PALS1: variants seen among roughly 807,000 people sequenced by gnomAD.
PALS1 encodes protein PALS1.
A neutral mutation model predicts 78.9 loss-of-function variants in PALS1; 31 were observed. That is an observed-to-expected ratio of 0.39 (90% CI 0.30 to 0.53). The LOEUF is 0.53. Among genes scored for constraint, PALS1 ranks in the 20% least tolerant of loss-of-function variants. PALS1 has a pLI of 0.67. For missense variants in PALS1, 704 were observed against 826.5 expected (o/e 0.85, Z 1.82); for synonymous variants, 276 against 270.9 (o/e 1.02, Z -0.18).
At chr14:67,319,031 C>T (rs2085222018) in intron 11 of PALS1, among the ~76,000 whole-genome samples, 1 of 150,536 alleles carries the variant, frequency 6.6e-6, no homozygotes, top group South Asian at 2.1e-4. Context: ...GCACTCCAGC[C>T]TGGGCGACAG....
intron 1 of PALS1, among the ~76,000 whole-genome samples, chr14:67,249,043 AC>A (rs1426498005): frequency 2.0e-5 from 3 of 151,632 alleles, no homozygotes; most frequent in African/African-American, 7.3e-5. Flanking sequence ...GCTCACTGCA[AC>A]CTCTGCCTCC....
intron 1 of PALS1, among the ~76,000 whole-genome samples, chr14:67,247,280 T>G (rs1297612355): frequency 6.6e-6 from 1 of 152,368 alleles, no homozygotes; most frequent in Middle Eastern, 3.4e-3. Flanking sequence ...TTTTTGGTCC[T>G]ATTGTAAATG....
chr14:67,259,852 C>T (rs1332321386), intron 1 of PALS1, among the ~76,000 whole-genome samples: 2 of 145,496 alleles, frequency 1.4e-5, no homozygotes, highest in Non-Finnish European at 3.0e-5. Context: ...TTTGAGGCTG[C>T]AGTGAGCTAT....
At chr14:67,264,525 A>C (rs2084288930) in intron 1 of PALS1, among the ~76,000 whole-genome samples, 1 of 152,122 alleles carries the variant, frequency 6.6e-6, no homozygotes, top group Admixed American at 6.6e-5. Context: ...TAAGTTTTTG[A>C]ATCCATTTTG....
chr14:67,323,152 A>C (rs2085287035), intron 13 of PALS1, among the ~76,000 whole-genome samples: 1 of 151,878 alleles, frequency 6.6e-6, no homozygotes, highest in Non-Finnish European at 1.5e-5. Context: ...ACATTTCATT[A>C]CATAAAAGAG....
intron 3 of PALS1, among the ~76,000 whole-genome samples, chr14:67,290,410 G>T (rs1442879340): frequency 6.6e-6 from 1 of 152,108 alleles, no homozygotes; most frequent in African/African-American, 2.4e-5. Context: ...CAGTGGAAAA[G>T]GAATTATTAT....
intron 3 of PALS1, among the ~76,000 whole-genome samples, chr14:67,286,349 T>C (rs2084687219): frequency 6.6e-6 from 1 of 152,206 alleles, no homozygotes. Flanking sequence ...GGGAATTTCT[T>C]CTCTCTGTCC....
chr14:67,247,533 T>C (rs1255397865), intron 1 of PALS1, among the ~76,000 whole-genome samples: 1 of 152,208 alleles, frequency 6.6e-6, no homozygotes, highest in Non-Finnish European at 1.5e-5. Flanking sequence ...GGTTAGGACT[T>C]CCACTGAGAT....
At position 67,301,974 on chromosome 14, in the gene PALS1, A is replaced by G. The variant is rs1420771552; in HGVS notation, c.657A>G (p.Ala219=). ...TGCCATGGATTTCTTTGAAACAGGCACTTTTACTGGCCCACGATAAGGTTG... is the reference window on the plus strand; with the variant it reads ...TGCCATGGATTTCTTTGAAACAGGCGCTTTTACTGGCCCACGATAAGGTTG... ...TALLNTPHIQ[A]LLLAHDKVAE... is the part of the protein sequence containing the mutation. Residue 219 remains alanine (A), a splice_region_variant and synonymous_variant, in exon 6 of 15, where the codon GCA becomes GCG. Transcript: ENST00000261681. 1.3e-6 allele frequency: 2 copies of G among 1,582,096 alleles called. No homozygotes were observed. The highest frequency in any genetic ancestry group is 1.7e-6 in the Non-Finnish European group (2 of 1,169,126).
At chr14:67,263,792 T>A (rs1443874869) in intron 1 of PALS1, among the ~76,000 whole-genome samples, 30 of 152,322 alleles carry the variant, frequency 2.0e-4, no homozygotes, top group South Asian at 1.0e-3. Context: ...GCAAGTAGTG[T>A]TGCTGCTTTT....
chr14:67,263,604 C>G (rs955041444), intron 1 of PALS1, among the ~76,000 whole-genome samples: 2 of 152,194 alleles, frequency 1.3e-5, no homozygotes, highest in African/African-American at 2.4e-5. Context: ...TTAAATGCTT[C>G]TGTTCTGATG....
intron 3 of PALS1, among the ~76,000 whole-genome samples, chr14:67,280,614 G>A (rs1047245246): frequency 6.6e-6 from 1 of 152,124 alleles, no homozygotes; most frequent in African/African-American, 2.4e-5. Flanking sequence ...GCCAGATCAG[G>A]TGTTGATGTA....
At chr14:67,298,652 G>A (rs1199405606) in intron 4 of PALS1, among the ~76,000 whole-genome samples, 1 of 152,180 alleles carries the variant, frequency 6.6e-6, no homozygotes, top group Non-Finnish European at 1.5e-5. Context: ...CATTTTTGGA[G>A]TAACTGACTT....
intron 3 of PALS1, among the ~76,000 whole-genome samples, chr14:67,290,025 G>C (rs1237502524): frequency 2.6e-5 from 4 of 152,044 alleles, no homozygotes; most frequent in Admixed American, 6.6e-5. Flanking sequence ...ACCCGCCTTG[G>C]TCTCCCAAAG....
Position 67,321,074 on chromosome 14 carries a change from C to G in PALS1, c.1555C>G (p.Arg519Gly), listed in dbSNP as rs1219650023. 6.2e-7 allele frequency: 1 copy of G among 1,614,016 alleles called. No individual in the cohort carries two copies. The highest frequency in any genetic ancestry group is 8.5e-7 in the Non-Finnish European group (1 of 1,179,946). ...TTGCCTAGATACAACCCGGAGTAGG[C>G]GAGACCAAGAAGTAGCCGGTAGAGA... ...SAVPHTTRSRRDQEVAGRDYH... is the reference protein window; with the variant it reads ...SAVPHTTRSRGDQEVAGRDYH... The change falls in exon 13 of 15, where the codon CGA (arginine) becomes GGA (glycine). Residue 519 changes from arginine (R) to glycine (G), a missense_variant. Transcript: ENST00000261681.
intron 1 of PALS1, among the ~76,000 whole-genome samples, chr14:67,264,648 A>G (rs2084290943): frequency 6.6e-6 from 1 of 152,220 alleles, no homozygotes; most frequent in Non-Finnish European, 1.5e-5. Context: ...TGAATATTTT[A>G]GGATCTAGAT....
intron 2 of PALS1, among the ~76,000 whole-genome samples, chr14:67,275,607 C>T (rs1199399190): frequency 6.6e-6 from 1 of 152,124 alleles, no homozygotes; most frequent in East Asian, 1.9e-4. Flanking sequence ...CTCTGCCCGG[C>T]TTTGGTATCA....
At chr14:67,243,897 A>G (rs113819788) in intron 1 of PALS1, among the ~76,000 whole-genome samples, 2 of 152,198 alleles carry the variant, frequency 1.3e-5, no homozygotes, top group Admixed American at 6.5e-5. Context: ...CATGAAAAAG[A>G]AAGTGAGGCT....
At chr14:67,306,231 A>G (rs2085000721) in intron 8 of PALS1, among the ~76,000 whole-genome samples, 1 of 150,074 alleles carries the variant, frequency 6.7e-6, no homozygotes, top group Non-Finnish European at 1.5e-5. Context: ...TGGCCTCCCA[A>G]AGTGCTGGGA....
Sources: allele counts gnomAD v4.1 joint callset (sites outside exome capture counted in the v4.1 genomes callset), GRCh38; gene constraint gnomAD v4.1.1; transcripts MANE v1.5; gene names NCBI Gene and HGNC (gene_info 2026-07-23, HGNC 2026-07-21).